The following HERC5 variants were observed in gnomAD, a reference collection of about 807,000 sequenced individuals.
HERC5 encodes the protein HECT and RLD domain containing E3 ubiquitin protein ligase 5, also known as E3 ISG15--protein ligase HERC5.
A neutral mutation model predicts 119.6 loss-of-function variants in HERC5; 99 were observed. The ratio of observed to expected loss-of-function variants is 0.83; its 90% CI spans 0.70 to 0.98. The LOEUF (loss-of-function observed/expected upper bound fraction) is 0.98. HERC5 is among the 50% of genes least tolerant of loss of function. HERC5 has a pLI of 0.00. For missense variants in HERC5, 1,267 were observed against 1,241.3 expected (o/e 1.02, Z -0.31); for synonymous variants, 478 against 445.9 (o/e 1.07, Z -0.91).
Position 88,504,423 on chromosome 4 carries a change from A to G in HERC5, c.2766+8A>G, listed in dbSNP as rs909879875. ...TGGAAAACATTTGAAAAGGTACATC[A>G]TCAAGTCTAAGTTGATTAAATTCAG... On this transcript the variant is annotated splice_region_variant and intron_variant, in intron 21 of 22. Transcript: ENST00000264350. The G allele has an allele frequency of 1.3e-6, 2 of 1,597,038 alleles. No homozygotes were observed. The highest frequency in any genetic ancestry group is 1.7e-5 in the Admixed American group (1 of 58,290).
At chr4:88,464,252 C>T (rs1483525322) in intron 6 of HERC5, among the ~76,000 whole-genome samples, 4 of 142,050 alleles carry the variant, frequency 2.8e-5, no homozygotes, top group African/African-American at 1.0e-4. Context: ...TGTAACTATT[C>T]AGGTGCACTT....
chr4:88,457,933 G>A (rs961247667), intron 1 of HERC5: 6 of 1,008,174 alleles, frequency 6.0e-6, no homozygotes, highest in Non-Finnish European at 7.1e-6. Flanking sequence ...GTCGTTCTCA[G>A]TGATGGGATT....
At chr4:88,471,877 TCTTCCTTCCTTC>T (rs923450152) in intron 10 of HERC5, among the ~76,000 whole-genome samples, 17 of 151,786 alleles carry the variant, frequency 1.1e-4, no homozygotes, top group African/African-American at 4.1e-4. Context: ...GTCAGTCCTT[TCTTCCTTCCTTC>T]CTTCCTTCGA....
intron 13 of HERC5, among the ~76,000 whole-genome samples, chr4:88,481,575 C>T (rs1379557709): frequency 6.6e-6 from 1 of 152,020 alleles, no homozygotes; most frequent in African/African-American, 2.4e-5. Flanking sequence ...AACTTTTTTT[C>T]TCCCATAAAG....
intron 20 of HERC5, 79 bp downstream of exon 20, chr4:88,501,064 CTTTAA>C (rs1273785574): frequency 1.4e-5 from 13 of 951,062 alleles, no homozygotes; most frequent in African/African-American, 3.4e-5. Flanking sequence ...CCTTTTAGCT[CTTTAA>C]TTTTTCATTC....
intron 10 of HERC5, among the ~76,000 whole-genome samples, chr4:88,470,891 T>C (rs1740848318): frequency 6.6e-6 from 1 of 151,994 alleles, no homozygotes; most frequent in African/African-American, 2.4e-5. Context: ...GAGTAATAGC[T>C]AGCACTTACG....
rs868573090 is a variant in HERC5 at position 88,490,289 on chromosome 4, C to G, written c.2133+953C>G. Among the ~76,000 whole-genome samples the G allele has an allele frequency of 3.9e-5, 6 of 152,300 alleles. No individual in the cohort carries two copies. The South Asian group carries it at 8.3e-4, about 21-fold the overall frequency. ...TTTCAACAACATTATGTGGCAGATT[C>G]TGTTTTTCCCTCATTTTACAGATGG... On this transcript the variant is annotated intron_variant, in intron 16 of 22. Coordinates refer to ENST00000264350, the MANE Select transcript of HERC5 (RefSeq NM_016323.4).
intron 7 of HERC5, among the ~76,000 whole-genome samples, chr4:88,467,558 C>T (rs1241859041): frequency 1.3e-5 from 2 of 152,142 alleles, no homozygotes; most frequent in African/African-American, 4.8e-5. Flanking sequence ...TAAGTTGATC[C>T]ACAGTCATAT....
At chr4:88,489,875 G>T (rs908518201) in intron 16 of HERC5, among the ~76,000 whole-genome samples, 1 of 152,068 alleles carries the variant, frequency 6.6e-6, no homozygotes, top group Non-Finnish European at 1.5e-5. Flanking sequence ...CGTGTGTGGT[G>T]GTGGGTGCCT....
chr4:88,479,652 C>G, intron 13 of HERC5, 145 bp downstream of exon 13: 1 of 419,130 alleles, frequency 2.4e-6, no homozygotes, highest in South Asian at 5.6e-5. Flanking sequence ...AAAATTACAT[C>G]ATACATATAA....
chr4:88,460,735 T>C (rs996570294), intron 3 of HERC5, among the ~76,000 whole-genome samples: 11 of 152,164 alleles, frequency 7.2e-5, no homozygotes, highest in African/African-American at 2.7e-4. Context: ...ATGCCTATAA[T>C]CCCAGCACTT....
Position 88,462,365 on chromosome 4 carries a change from CA to C in HERC5, c.688+10del. On this transcript the variant is annotated intron_variant, in intron 4 of 22. Transcript: ENST00000264350. ...CCTGGGCCACACTGAGAGTATGGAA[CA>C]CATTCTCAGATTCCTATTACCAACA... The C allele has an allele frequency of 6.2e-7, 1 of 1,605,104 alleles. No individual in the cohort carries two copies. The highest frequency in any genetic ancestry group is 8.5e-7 in the Non-Finnish European group (1 of 1,171,842).
intron 13 of HERC5, among the ~76,000 whole-genome samples, chr4:88,479,872 C>A (rs1741218483): frequency 6.6e-6 from 1 of 152,016 alleles, no homozygotes; most frequent in South Asian, 2.1e-4. Flanking sequence ...TCGAGACAAT[C>A]ATGACTAACA....
chr4:88,461,097 CAT>C (rs1011794867), intron 3 of HERC5, among the ~76,000 whole-genome samples: 15 of 152,298 alleles, frequency 9.8e-5, no homozygotes, highest in African/African-American at 3.6e-4. Flanking sequence ...CAGATGTAAA[CAT>C]GTTCATAAAC....
At chr4:88,484,364 T>C (rs1036283497) in intron 13 of HERC5, among the ~76,000 whole-genome samples, 1 of 152,214 alleles carries the variant, frequency 6.6e-6, no homozygotes. Flanking sequence ...CTGTCTGTTT[T>C]CCTTGGAACT....
chr4:88,498,418 T>C (rs577936119), intron 18 of HERC5, among the ~76,000 whole-genome samples: 5 of 152,308 alleles, frequency 3.3e-5, no homozygotes, highest in Middle Eastern at 3.4e-3. Flanking sequence ...AAGTGGGACA[T>C]TGAGTCAAAG....
rs1185084732 is a variant in HERC5 at position 88,467,297 on chromosome 4, G to A, written c.1057+93G>A. 1.0e-5 allele frequency: 13 copies of A among 1,260,920 alleles called. No individual in the cohort carries two copies. The Admixed American group carries it at 1.3e-4, about 12-fold the overall frequency. 78.1% of individuals were successfully genotyped at this position (1,260,920 alleles called of 1,614,324 possible). A position where few individuals can be genotyped will look rare whatever the true frequency, so the allele number is the denominator to read the frequency against. ...TAATGTGGCAAAGAAAGCAACATATGACTATGAAGGGAGTTTCTCTAAATA... is the reference window on the plus strand; with the variant it reads ...TAATGTGGCAAAGAAAGCAACATATAACTATGAAGGGAGTTTCTCTAAATA... On this transcript the variant is annotated intron_variant, in intron 7 of 22. Transcript: ENST00000264350.
chr4:88,500,990 G>A lies in HERC5; in HGVS notation c.2582+5G>A. The A allele has an allele frequency of 6.3e-7, 1 of 1,597,200 alleles. No individual in the cohort carries two copies. On this transcript the variant is annotated splice_donor_5th_base_variant and intron_variant, in intron 20 of 22. Coordinates refer to ENST00000264350, the MANE Select transcript of HERC5 (RefSeq NM_016323.4). ...AACTGTCAACCAGACTAACAAGTAG[G>A]TACAAAAAATGAAATAGTTGGTTTG...
At chr4:88,470,847 A>G (rs1740846678) in intron 10 of HERC5, among the ~76,000 whole-genome samples, 174 bp downstream of exon 10, 1 of 152,194 alleles carries the variant, frequency 6.6e-6, no homozygotes, top group African/African-American at 2.4e-5. Context: ...CACAATAAAA[A>G]GAAAGTGAAA....
Sources: allele counts gnomAD v4.1 joint callset (sites outside exome capture counted in the v4.1 genomes callset), GRCh38; gene constraint gnomAD v4.1.1; transcripts MANE v1.5; gene names NCBI Gene and HGNC (gene_info 2026-07-23, HGNC 2026-07-21).